RYR2: variants seen among roughly 807,000 people sequenced by gnomAD.
The protein encoded by RYR2 is ryanodine receptor 2.
Under a neutral mutation model 601.1 loss-of-function variants are expected in RYR2, and 227 were observed. The ratio of observed to expected loss-of-function variants is 0.38; its 90% CI spans 0.34 to 0.42. RYR2 has a LOEUF of 0.42. Among genes scored for constraint, RYR2 ranks in the 10% least tolerant of loss-of-function variants. The pLI is 1.00. For missense variants in RYR2, 4,646 were observed against 6,156.5 expected (o/e 0.75, Z 8.21); for synonymous variants, 2,223 against 2,175.1 (o/e 1.02, Z -0.61).
chr1:237,606,005 T>C lies in RYR2; in HGVS notation c.4683+3894T>C, dbSNP rs1192998704. ...TGGCCATACTGCCCAAGGTAATTTA[T>C]AGATTCAATGCCATCCCCATCAAGC... On this transcript the variant is annotated intron_variant, in intron 35 of 104. Coordinates refer to ENST00000366574, the MANE Select transcript of RYR2 (RefSeq NM_001035.3). 1.8e-3 allele frequency among the ~76,000 whole-genome samples: 268 copies of C among 151,616 alleles called. 1 individual carries two copies. The highest frequency in any genetic ancestry group is 6.1e-3 in the African/African-American group (251 of 41,378).
At chr1:237,492,196 T>C (rs1317663336) in intron 18 of RYR2, among the ~76,000 whole-genome samples, 4 of 152,184 alleles carry the variant, frequency 2.6e-5, no homozygotes, top group African/African-American at 9.7e-5. Context: ...CATGCCCGGC[T>C]AATTTTTGTA....
chr1:237,402,108 T>C (rs1703395104), intron 10 of RYR2, among the ~76,000 whole-genome samples: 1 of 152,100 alleles, frequency 6.6e-6, no homozygotes, highest in South Asian at 2.1e-4. Context: ...AAAATATTTA[T>C]GATTATCTGG....
intron 2 of RYR2, among the ~76,000 whole-genome samples, chr1:237,283,193 T>C (rs1211547614): frequency 6.6e-6 from 1 of 152,220 alleles, no homozygotes; most frequent in African/African-American, 2.4e-5. Flanking sequence ...TGTAAAGTCT[T>C]CCTGTGTTTA....
rs188783282 is a variant in RYR2, at chr1:237,252,388, T to A, written c.49-18109T>A. 1.1e-3 allele frequency among the ~76,000 whole-genome samples: 160 copies of A among 152,238 alleles called. 1 individual carries two copies. In the South Asian group the frequency reaches 0.011, roughly 11 times the overall value. ...GCTTTATGCAGTTCTTGGATTAGTG[T>A]CCCCTCATCAGAGAGGTCATTTACG... On this transcript the variant is annotated intron_variant, in intron 1 of 104. Coordinates refer to ENST00000366574, the MANE Select transcript of RYR2 (RefSeq NM_001035.3).
At chr1:237,714,983 C>T (rs1301027491) in intron 71 of RYR2, among the ~76,000 whole-genome samples, 2 of 84,230 alleles carry the variant, frequency 2.4e-5, no homozygotes, top group Non-Finnish European at 4.4e-5. Context: ...CAGAGCGAGA[C>T]TCCATCTCAA....
chr1:237,062,796 A>G (rs768389968), intron 1 of RYR2, among the ~76,000 whole-genome samples: 1 of 152,142 alleles, frequency 6.6e-6, no homozygotes, highest in Non-Finnish European at 1.5e-5. Flanking sequence ...TTCAGGGAAA[A>G]CTTAAGAGAA....
At chr1:237,594,265 T>C (rs996036838) in intron 33 of RYR2, among the ~76,000 whole-genome samples, 1 of 152,210 alleles carries the variant, frequency 6.6e-6, no homozygotes, top group African/African-American at 2.4e-5. Flanking sequence ...CATTGGCTTC[T>C]ACCTTTTGTG....
intron 79 of RYR2, among the ~76,000 whole-genome samples, chr1:237,739,752 T>G (rs1271852260): frequency 6.6e-6 from 1 of 152,204 alleles, no homozygotes; most frequent in Non-Finnish European, 1.5e-5. Context: ...TGAAAGTTTC[T>G]GGGTTTTGAT....
At chr1:237,078,078 C>T (rs377217316) in intron 1 of RYR2, among the ~76,000 whole-genome samples, 122 of 41,566 alleles carry the variant, frequency 2.9e-3, no homozygotes, top group Admixed American at 4.7e-3. Context: ...TTGAAACCAA[C>T]GAGAACAAAG....
chr1:237,820,799 C>T (rs1277025301), intron 101 of RYR2, among the ~76,000 whole-genome samples: 3 of 151,892 alleles, frequency 2.0e-5, no homozygotes, highest in South Asian at 2.1e-4. Context: ...GCCAGCACAG[C>T]GGTCTGAGGT....
chr1:237,526,993 G>C (rs964984113), intron 24 of RYR2, among the ~76,000 whole-genome samples: 2 of 152,288 alleles, frequency 1.3e-5, no homozygotes, highest in East Asian at 1.9e-4. Flanking sequence ...GTGAGAGATA[G>C]AGGTGCAATT....
intron 54 of RYR2, among the ~76,000 whole-genome samples, chr1:237,658,836 A>G (rs1683493748): frequency 6.6e-6 from 1 of 152,224 alleles, no homozygotes; most frequent in Middle Eastern, 3.2e-3. Flanking sequence ...AATAGATTAC[A>G]TCGGCCAGGT....
chr1:237,266,096 AT>A (rs1168634906), intron 1 of RYR2, among the ~76,000 whole-genome samples: 2 of 152,202 alleles, frequency 1.3e-5, no homozygotes, highest in Non-Finnish European at 2.9e-5. Context: ...CATCATGTGC[AT>A]TTCAGCACTC....
chr1:237,329,932 G>A (rs1281302382), intron 2 of RYR2, among the ~76,000 whole-genome samples: 2 of 152,186 alleles, frequency 1.3e-5, no homozygotes, highest in Non-Finnish European at 2.9e-5. Context: ...ACAGGACCAA[G>A]TTAGAGGCAA....
intron 26 of RYR2, among the ~76,000 whole-genome samples, chr1:237,549,628 C>CT (rs57579159): frequency 0.034 from 2,679 of 77,766 alleles, 150 homozygotes; most frequent in Non-Finnish European, 0.045. Context: ...CCATAGCTTT[C>CT]TTTTTTTTTT....
chr1:237,106,767 G>T lies in RYR2; in HGVS notation c.48+64198G>T, dbSNP rs1359898711. 6.6e-6 allele frequency among the ~76,000 whole-genome samples: 1 copy of T among 152,178 alleles called. No homozygotes were observed. The highest frequency in any genetic ancestry group is 1.5e-5 in the Non-Finnish European group (1 of 68,036). Reference sequence around the variant, plus strand: ...ACAGAAATTATTCCTCACAGTTCTGGATGCTGGGAAGCCCAAGATCAGAGT... The same window carrying T: ...ACAGAAATTATTCCTCACAGTTCTGTATGCTGGGAAGCCCAAGATCAGAGT... On this transcript the variant is annotated intron_variant, in intron 1 of 104. Transcript: ENST00000366574. This position sits in a 1 kb window ranked among gnomAD's most constrained non-coding sequence, Gnocchi z 4.4.
intron 80 of RYR2, among the ~76,000 whole-genome samples, chr1:237,746,714 A>G (rs190545335): frequency 1.3e-5 from 2 of 152,302 alleles, no homozygotes; most frequent in East Asian, 3.9e-4. Flanking sequence ...CTACTTCTCT[A>G]TCAAAAGCAT....
chr1:237,075,255 G>C (rs1664871749), intron 1 of RYR2, among the ~76,000 whole-genome samples: 2 of 152,026 alleles, frequency 1.3e-5, no homozygotes, highest in African/African-American at 4.8e-5. Flanking sequence ...GTGTTGGAAA[G>C]AAAGTCTGCG....
chr1:237,235,004 C>T (rs1037152625), intron 1 of RYR2, among the ~76,000 whole-genome samples: 8 of 152,022 alleles, frequency 5.3e-5, no homozygotes, highest in African/African-American at 1.5e-4. Context: ...AGTAACCCCC[C>T]CTGGGGTTCA....
Sources: gnomAD v4.1 joint callset for allele counts (sites outside exome capture counted in the v4.1 genomes callset) on GRCh38, gnomAD v4.1.1 for gene constraint, Gnocchi (gnomAD v3.1) non-coding constraint, MANE v1.5 for transcripts, NCBI Gene and HGNC (gene_info 2026-07-23, HGNC 2026-07-21) for gene names.